The following DTNA variants were observed in gnomAD, a reference collection of about 807,000 sequenced individuals.
DTNA encodes the protein dystrobrevin alpha.
DTNA carries 43 observed loss-of-function variants against 100.7 expected under a neutral mutation model. The observed-to-expected ratio is 0.43, with a 90% CI of 0.33 to 0.55. The LOEUF is 0.55. Ranked by LOEUF, DTNA falls within the 20% of genes least tolerant of loss-of-function variation. DTNA has a pLI of 0.04. For missense variants in DTNA, 798 were observed against 953.9 expected (o/e 0.84, Z 2.15); for synonymous variants, 349 against 347.9 (o/e 1.00, Z -0.04).
chr18:34,882,248 C>A (rs181199980), intron 21 of DTNA, 47 bp downstream of exon 21: 1 of 1,608,048 alleles, frequency 6.2e-7, no homozygotes, highest in East Asian at 2.2e-5. Flanking sequence ...TGCCTCAACC[C>A]CTTGGTAGCT....
chr18:34,786,686 A>T (rs1324416517), intron 3 of DTNA, among the ~76,000 whole-genome samples: 1 of 152,152 alleles, frequency 6.6e-6, no homozygotes, highest in African/African-American at 2.4e-5. Flanking sequence ...TATTCCCAAT[A>T]GCAGATCAAC....
intron 16 of DTNA, among the ~76,000 whole-genome samples, chr18:34,862,378 G>A (rs1188547899): frequency 1.3e-5 from 2 of 151,506 alleles, no homozygotes; most frequent in Admixed American, 6.6e-5. Context: ...TGTAAGGATT[G>A]CTTGTAAGTG....
chr18:34,887,910 A>AC lies in DTNA; in HGVS notation c.*181dup, dbSNP rs2096937424. The AC allele has an allele frequency of 2.0e-6, 2 of 986,346 alleles. No individual in the cohort carries two copies. The highest frequency in any genetic ancestry group is 2.4e-6 in the Non-Finnish European group (2 of 830,158). The allele number at this position is 986,346 out of a possible 1,614,324, so 61.1% of individuals were successfully genotyped here. ...CACCACACCCAGCAGCTCCTGACAG[A>AC]CCCCCACCCCTAAAGATGTGTCCTG... is the stretch of plus-strand genomic sequence containing the variant. On this transcript the variant is annotated 3_prime_UTR_variant, in exon 23 of 23. Transcript: ENST00000444659.
rs192714044 is a variant in DTNA, at chr18:34,726,874, C to T, written c.-2+16429C>T. ...GCCCTGGTGAGGACGCTGTGTGGGG[C>T]TCCAACCCCACATTTCCCCTTAGCA... On this transcript the variant is annotated intron_variant, in intron 1 of 22. Transcript: ENST00000444659. Among the ~76,000 whole-genome samples the T allele has an allele frequency of 2.0e-5, 3 of 152,358 alleles. No homozygotes were observed. In the East Asian group the frequency reaches 5.8e-4, roughly 29 times the overall value.
intron 1 of DTNA, among the ~76,000 whole-genome samples, chr18:34,498,128 A>G (rs961882742): frequency 3.3e-5 from 5 of 152,066 alleles, no homozygotes; most frequent in African/African-American, 1.2e-4. Flanking sequence ...TAAAAATTCA[A>G]AAATTGGCTG....
At chr18:34,776,475 G>A (rs1296557249) in intron 3 of DTNA, among the ~76,000 whole-genome samples, 1 of 152,180 alleles carries the variant, frequency 6.6e-6, no homozygotes, top group African/African-American at 2.4e-5. Context: ...CTGAGTAGCT[G>A]GGACTACAGG....
chr18:34,543,540 A>G (rs775464246), intron 1 of DTNA, among the ~76,000 whole-genome samples: 3 of 152,102 alleles, frequency 2.0e-5, no homozygotes, highest in Non-Finnish European at 4.4e-5. Context: ...ATTCTCATGG[A>G]TGTTAAACAG....
At chr18:34,720,063 G>A (rs2084939560) in intron 1 of DTNA, among the ~76,000 whole-genome samples, 1 of 152,146 alleles carries the variant, frequency 6.6e-6, no homozygotes, top group South Asian at 2.1e-4. Context: ...TATAACCTAA[G>A]GGAGCTAGTG....
chr18:34,641,862 A>G (rs772072626), intron 1 of DTNA, among the ~76,000 whole-genome samples: 12 of 152,210 alleles, frequency 7.9e-5, no homozygotes, highest in Non-Finnish European at 1.5e-4. Context: ...GCTGAGTTTC[A>G]TAAATTAAGT....
At chr18:34,665,223 T>G (rs71363461) in intron 1 of DTNA, among the ~76,000 whole-genome samples, 8,246 of 152,102 alleles carry the variant, frequency 0.054, 284 homozygotes, top group Non-Finnish European at 0.075. Flanking sequence ...CACCCATATT[T>G]TGCACACAAA....
At chr18:34,803,604 A>G (rs919184308) in intron 4 of DTNA, among the ~76,000 whole-genome samples, 4 of 152,138 alleles carry the variant, frequency 2.6e-5, no homozygotes, top group East Asian at 1.9e-4. Flanking sequence ...TGAGGGCCAC[A>G]TTATTGCTAT....
chr18:34,790,567 A>ATATATATATATTTTTTTTTT (rs2094687460), intron 3 of DTNA, among the ~76,000 whole-genome samples: 6 of 39,660 alleles, frequency 1.5e-4, no homozygotes, highest in African/African-American at 5.5e-4. Context: ...ATATATATAT[A>ATATATATATATTTTTTTTTT]TTTTTTTTTT....
rs185380214 is a variant in DTNA, at chr18:34,880,308, C to T, written c.2162+589C>T. On this transcript the variant is annotated intron_variant, in intron 20 of 22. Coordinates refer to ENST00000444659, the MANE Select transcript of DTNA (RefSeq NM_001386795.1). The stretch of plus-strand genomic sequence containing the variant: ...TGTCAGAAACCAGCAGCATCAGTAA[C>T]GTCCCCACTAGACTTTCTGTGACCC... Among the ~76,000 whole-genome samples, 517 of 152,324 alleles carry T rather than the reference C, an allele frequency of 3.4e-3. 12 individuals are homozygous for T. In the South Asian group the frequency reaches 0.04, roughly 12 times the overall value.
chr18:34,706,938 AAC>A (rs2082193726), upstream of DTNA, among the ~76,000 whole-genome samples: 2 of 152,196 alleles, frequency 1.3e-5, no homozygotes, highest in African/African-American at 4.8e-5. Flanking sequence ...TGTTGCTGTC[AAC>A]ACACTTTCTT....
intron 5 of DTNA, among the ~76,000 whole-genome samples, chr18:34,807,521 G>C (rs1365586593): frequency 6.6e-6 from 1 of 152,162 alleles, no homozygotes; most frequent in Non-Finnish European, 1.5e-5. Flanking sequence ...CACCCAAAAG[G>C]AAAGAATAAA....
At chr18:34,652,896 G>A (rs2073806109) in intron 1 of DTNA, among the ~76,000 whole-genome samples, 1 of 152,118 alleles carries the variant, frequency 6.6e-6, no homozygotes, top group African/African-American at 2.4e-5. Flanking sequence ...GAGCTGCAAA[G>A]TTCATAGTAA....
intron 21 of DTNA, 73 bp downstream of exon 21, chr18:34,882,274 C>T: frequency 6.3e-7 from 1 of 1,579,204 alleles, no homozygotes; most frequent in East Asian, 2.3e-5. Context: ...TTTGACATGA[C>T]TTGCAGAATC....
At chr18:34,731,793 T>C (rs955755376) in intron 1 of DTNA, among the ~76,000 whole-genome samples, 1 of 152,220 alleles carries the variant, frequency 6.6e-6, no homozygotes, top group African/African-American at 2.4e-5. Flanking sequence ...TTTAACTCTT[T>C]ATTGTATTAA....
At chr18:34,676,396 A>T (rs1295071102) in intron 1 of DTNA, among the ~76,000 whole-genome samples, 1 of 152,218 alleles carries the variant, frequency 6.6e-6, no homozygotes, top group Non-Finnish European at 1.5e-5. Context: ...GCTCCAATCC[A>T]GACCCTGGAT....
Sources: allele counts gnomAD v4.1 joint callset (sites outside exome capture counted in the v4.1 genomes callset), GRCh38; gene constraint gnomAD v4.1.1; transcripts MANE v1.5; gene names NCBI Gene and HGNC (gene_info 2026-07-23, HGNC 2026-07-21).